Variants in GALR1 observed in about 807,000 individuals in gnomAD.
The protein encoded by GALR1 is galanin receptor type 1.
A neutral mutation model predicts 17.9 loss-of-function variants in GALR1; 11 were observed. The observed-to-expected ratio is 0.62, with a 90% CI of 0.39 to 1.02. GALR1 has a LOEUF of 1.02. Among genes scored for constraint, GALR1 ranks in the 50% least tolerant of loss-of-function variants. GALR1 has a pLI of 0.01. For synonymous variants in GALR1, 206 were observed against 205.7 expected (o/e 1.00, Z -0.01); for missense variants, 441 against 456.9 (o/e 0.97, Z 0.32).
chr18:77,260,294 C>T (rs371231478), intron 2 of GALR1, among the ~76,000 whole-genome samples: 86 of 152,220 alleles, frequency 5.6e-4, no homozygotes, highest in African/African-American at 1.9e-3. Context: ...CAGCTCTCTG[C>T]GCCCTCTTTC....
chr18:77,260,261 C>T (rs1912800933), intron 2 of GALR1, among the ~76,000 whole-genome samples: 1 of 152,158 alleles, frequency 6.6e-6, no homozygotes, highest in Non-Finnish European at 1.5e-5. Flanking sequence ...TCTCTGTATC[C>T]TCACAGAGTG....
chr18:77,276,812 A>G lies in GALR1; in HGVS notation c.*7910A>G, dbSNP rs1169057004. 1 of 152,242 alleles carries G rather than the reference A, an allele frequency of 6.6e-6. No individual in the cohort carries two copies. Among genetic ancestry groups the G allele is most frequent in the African/African-American group, 2.4e-5 (1 of 41,470 alleles). The allele number at this position is 152,242 out of a possible 1,614,324, so 9.4% of individuals were successfully genotyped here. A position where few individuals can be genotyped will look rare whatever the true frequency, so the allele number is the denominator to read the frequency against. ...CTTACATTGATCAGATCCATAAAAT[A>G]TCTGTTTAACTATTACATTACCCTA... On this transcript the variant is annotated 3_prime_UTR_variant, in exon 3 of 3. Transcript: ENST00000299727.
At chr18:77,255,849 G>A (rs1912575745) in intron 1 of GALR1, among the ~76,000 whole-genome samples, 2 of 152,138 alleles carry the variant, frequency 1.3e-5, no homozygotes, top group East Asian at 1.9e-4. Context: ...CACCTGAGTG[G>A]GTCATGGCAT....
chr18:77,252,950 T>TCACCACCACCATCACCAC (rs1912485693), intron 1 of GALR1, among the ~76,000 whole-genome samples: 1 of 25,274 alleles, frequency 4.0e-5, no homozygotes, highest in African/African-American at 1.5e-4. Context: ...ACCACCACCA[T>TCACCACCACCATCACCAC]CACCACCATC....
At chr18:77,258,570 G>GTGGTGGTGGTTATGGTGGTGA (rs1912651932) in intron 2 of GALR1, among the ~76,000 whole-genome samples, 1 of 145,666 alleles carries the variant, frequency 6.9e-6, no homozygotes, top group Non-Finnish European at 1.5e-5. Context: ...CATAGTGGGG[G>GTGGTGGTGGTTATGGTGGTGA]TGGTGGTGGT....
At position 77,256,217 on chromosome 18, in the gene GALR1, G is replaced by A. The variant is rs761295738; in HGVS notation, c.726G>A (p.Lys242=). 1 of 1,557,108 alleles carries A rather than the reference G, an allele frequency of 6.4e-7. No individual in the cohort carries two copies. Among genetic ancestry groups the A allele is most frequent in the South Asian group, 1.1e-5 (1 of 89,502 alleles). ...TGTCAAAGAAGTCTGAAGCATCCAA[G>A]AAAAAGGTAATGATCACAAATATAT... ...KNMSKKSEAS[K]KKTAQTVLVV... The change falls in exon 2 of 3, where the codon AAG becomes AAA. Residue 242 remains lysine (K), a synonymous_variant. Transcript: ENST00000299727.
chr18:77,255,893 C>T (rs1032253101), intron 1 of GALR1, among the ~76,000 whole-genome samples: 1 of 152,186 alleles, frequency 6.6e-6, no homozygotes. Context: ...GAGCTCCACG[C>T]CCTGGGCATT....
In GALR1 at chr18:77,271,863, T is replaced by A. The variant is rs1277614874; in HGVS notation, c.*2961T>A. On this transcript the variant is annotated 3_prime_UTR_variant, in exon 3 of 3. Transcript: ENST00000299727. ...TCACATGCATAAGCAACCATTTCAG[T>A]GTCCTGCTGATGAATACAGTGATGT... The A allele has an allele frequency of 6.6e-6, 1 of 152,232 alleles. No individual in the cohort carries two copies. The highest frequency in any genetic ancestry group is 1.5e-5 in the Non-Finnish European group (1 of 68,048). The allele number at this position is 152,232 out of a possible 1,614,324, so 9.4% of individuals were successfully genotyped here. A position where few individuals can be genotyped will look rare whatever the true frequency, so the allele number is the denominator to read the frequency against.
intron 2 of GALR1, among the ~76,000 whole-genome samples, chr18:77,259,480 GTGA>G (rs1912773314): frequency 6.9e-6 from 1 of 145,758 alleles, no homozygotes; most frequent in African/African-American, 2.5e-5. Flanking sequence ...GGTGGCGATT[GTGA>G]TGGTGATGGT....
intron 2 of GALR1, among the ~76,000 whole-genome samples, chr18:77,263,682 T>C (rs1008970862): frequency 3.3e-5 from 5 of 152,204 alleles, no homozygotes; most frequent in African/African-American, 1.2e-4. Context: ...GCCTGGATCC[T>C]GGGCACAGCT....
At chr18:77,262,594 A>G (rs1026601773) in intron 2 of GALR1, among the ~76,000 whole-genome samples, 4 of 152,216 alleles carry the variant, frequency 2.6e-5, no homozygotes, top group Non-Finnish European at 4.4e-5. Flanking sequence ...GCCTGTTTGC[A>G]TGGAGTTGGC....
rs1249281633 is a variant in GALR1, at chr18:77,250,383, G to T, written c.-166G>T. ...GCGCAAAGACGGTGCCACCAGGCAC[G>T]GCCACCGGATCCCCGCTCCCGCTGG... is the stretch of plus-strand genomic sequence containing the variant. On this transcript the variant is annotated 5_prime_UTR_variant, in exon 1 of 3. Transcript: ENST00000299727. Among the ~76,000 whole-genome samples, 1 of 152,160 alleles carries T rather than the reference G, an allele frequency of 6.6e-6. No homozygotes were observed. The highest frequency in any genetic ancestry group is 1.5e-5 in the Non-Finnish European group (1 of 68,016).
At chr18:77,266,667 C>CTGCT in intron 2 of GALR1, among the ~76,000 whole-genome samples, 1 of 152,272 alleles carries the variant, frequency 6.6e-6, no homozygotes, top group African/African-American at 2.4e-5. Flanking sequence ...ACAATCATAG[C>CTGCT]AGAAAGGGAA....
In GALR1 at chr18:77,271,963, A is replaced by C. The variant is rs1466689018; in HGVS notation, c.*3061A>C. 6.6e-6 allele frequency: 1 copy of C among 151,698 alleles called. No homozygotes were observed. The highest frequency in any genetic ancestry group is 2.4e-5 in the African/African-American group (1 of 41,386). The allele number at this position is 151,698 out of a possible 1,614,324, so 9.4% of individuals were successfully genotyped here. On this transcript the variant is annotated 3_prime_UTR_variant, in exon 3 of 3. Transcript: ENST00000299727. Reference sequence around the variant, plus strand: ...TCTGTGCTCTTCTGACCGGGTATGTACTCAGCAACATGGGGGACTGAGGCC... The same window carrying C: ...TCTGTGCTCTTCTGACCGGGTATGTCCTCAGCAACATGGGGGACTGAGGCC...
rs1486884414 is a variant in GALR1 at position 77,274,675 on chromosome 18, G to A, written c.*5773G>A. On this transcript the variant is annotated 3_prime_UTR_variant, in exon 3 of 3. Transcript: ENST00000299727. ...AGCTGATGGCAGAAGCAGGCTCCCA[G>A]CTCCTCTTCTTCTGCTCAGCCAGGT... 6.6e-6 allele frequency: 1 copy of A among 152,184 alleles called. No homozygotes were observed. The highest frequency in any genetic ancestry group is 2.4e-5 in the African/African-American group (1 of 41,438). 9.4% of individuals were successfully genotyped at this position (152,184 alleles called of 1,614,324 possible).
rs147418211 is a variant in GALR1, at chr18:77,268,664, A to C, written c.812A>C (p.Glu271Ala). The C allele has an allele frequency of 6.4e-4, 1,027 of 1,613,794 alleles. 1 individual carries two copies. The highest frequency in any genetic ancestry group is 8.2e-4 in the Non-Finnish European group (967 of 1,180,024). ...CACCACATCATCCATCTCTGGGCTG[A>C]GTTTGGAGTTTTCCCGCTGACGCCG... ...LPHHIIHLWA[E>A]FGVFPLTPAS... The change falls in exon 3 of 3, where the codon GAG becomes GCG. Residue 271 changes from glutamate to alanine, a missense_variant. Physicochemically the swap from Glu to Ala is moderately radical, Grantham distance 107. Transcript: ENST00000299727.
intron 2 of GALR1, among the ~76,000 whole-genome samples, chr18:77,257,493 A>G (rs75176971): frequency 0.018 from 2,789 of 152,308 alleles, 77 homozygotes; most frequent in African/African-American, 0.063. Context: ...GCTAAGTTAT[A>G]TGAATGGAAT....
chr18:77,262,390 C>A (rs1912851310), intron 2 of GALR1, among the ~76,000 whole-genome samples: 1 of 152,130 alleles, frequency 6.6e-6, no homozygotes, highest in Non-Finnish European at 1.5e-5. Context: ...AGTAGTAAAT[C>A]AAAAAAGATG....
intron 2 of GALR1, among the ~76,000 whole-genome samples, chr18:77,259,758 G>A (rs1352072252): frequency 6.6e-6 from 1 of 151,918 alleles, no homozygotes; most frequent in Non-Finnish European, 1.5e-5. Flanking sequence ...AGATGGGAGA[G>A]AGGAGCAGAG....
Sources: gnomAD v4.1 joint callset for allele counts (sites outside exome capture counted in the v4.1 genomes callset) on GRCh38, gnomAD v4.1.1 for gene constraint, MANE v1.5 for transcripts, NCBI Gene and HGNC (gene_info 2026-07-23, HGNC 2026-07-21) for gene names.